Variants in AK8 observed in about 807,000 individuals in gnomAD.
AK8 encodes ATP-AMP transphosphorylase 8.
A neutral mutation model predicts 54.6 loss-of-function variants in AK8; 44 were observed. The observed-to-expected ratio is 0.81, with a 90% CI of 0.63 to 1.04. AK8 has a LOEUF of 1.04. Among genes scored for constraint, AK8 ranks in the 50% least tolerant of loss-of-function variants. The pLI, the probability that AK8 is intolerant of heterozygous loss-of-function variation, is 0.00. For missense variants in AK8, 555 were observed against 613.6 expected, an observed-to-expected ratio of 0.90 and a Z score of 1.01; for synonymous variants, 239 against 245.6, an observed-to-expected ratio of 0.97 and a Z score of 0.25.
At position 132,787,482 on chromosome 9, in the gene AK8, C is replaced by A. The variant is rs374908611; in HGVS notation, c.1121+5152G>T. Among the ~76,000 whole-genome samples the A allele has an allele frequency of 2.1e-4, 32 of 152,262 alleles. No individual in the cohort carries two copies. In the South Asian group the frequency reaches 6.6e-3, roughly 32 times the overall value. ...AATTCCACGGGAAAATCATTTCCAGCCTATAGTTTCTCACCCAGCCAATCT... is the reference window on the plus strand; with the variant it reads ...AATTCCACGGGAAAATCATTTCCAGACTATAGTTTCTCACCCAGCCAATCT... On this transcript the variant is annotated intron_variant, in intron 11 of 12. Coordinates refer to ENST00000298545, the MANE Select transcript of AK8 (RefSeq NM_152572.3).
intron 6 of AK8, 118 bp downstream of exon 6, chr9:132,828,527 C>T: frequency 1.2e-6 from 1 of 810,978 alleles, no homozygotes; most frequent in South Asian, 1.7e-5. Flanking sequence ...CTCTTCCTTG[C>T]TGGGTCTCAG....
chr9:132,757,928 G>A (rs1205565000), intron 11 of AK8, among the ~76,000 whole-genome samples: 1 of 152,216 alleles, frequency 6.6e-6, no homozygotes, highest in Non-Finnish European at 1.5e-5. Context: ...GCACGAGGAG[G>A]GCAATTCCAC....
At chr9:132,834,554 G>A (rs1027340359) in intron 5 of AK8, among the ~76,000 whole-genome samples, 3 of 152,174 alleles carry the variant, frequency 2.0e-5, no homozygotes, top group Non-Finnish European at 4.4e-5. Flanking sequence ...ATGTATGACT[G>A]TAGCAGGAAC....
intron 10 of AK8, among the ~76,000 whole-genome samples, chr9:132,794,703 C>G (rs185209278): frequency 1.5e-3 from 234 of 152,356 alleles, no homozygotes; most frequent in Non-Finnish European, 2.4e-3. Context: ...GAAGGCTTCT[C>G]TTTTTCAAAT....
intron 4 of AK8, among the ~76,000 whole-genome samples, chr9:132,857,034 C>T (rs1048436140): frequency 3.4e-4 from 52 of 152,166 alleles, no homozygotes; most frequent in Non-Finnish European, 1.9e-4. Context: ...ATGGATGGTG[C>T]ACAGAGGAAA....
chr9:132,757,115 C>T (rs186734069), intron 11 of AK8, among the ~76,000 whole-genome samples: 2 of 151,924 alleles, frequency 1.3e-5, no homozygotes, highest in African/African-American at 2.4e-5. Flanking sequence ...CGTGGGCACC[C>T]GACAGATGAC....
chr9:132,818,753 C>T (rs370741), intron 9 of AK8, among the ~76,000 whole-genome samples: 83,707 of 151,594 alleles, frequency 0.55, 23,438 homozygotes, highest in South Asian at 0.65. Flanking sequence ...GAGGCCGAGG[C>T]GGGAGGTTCA....
intron 11 of AK8, among the ~76,000 whole-genome samples, chr9:132,736,784 CAA>C (rs201150328): frequency 1.2e-4 from 8 of 66,214 alleles, no homozygotes; most frequent in Admixed American, 3.5e-4. Context: ...GAATCCATCT[CAA>C]AAAAAAAAAA....
intron 7 of AK8, chr9:132,827,457 G>A (rs1383627163): frequency 1.7e-5 from 4 of 239,020 alleles, no homozygotes; most frequent in Non-Finnish European, 3.3e-5. Context: ...AAGGGACAGA[G>A]TTAGGGATCC....
Position 132,770,331 on chromosome 9 carries a change from G to C in AK8, c.1121+22303C>G, listed in dbSNP as rs1838909534. 1 of 152,244 alleles carries C rather than the reference G, an allele frequency of 6.6e-6. No individual in the cohort carries two copies. Among genetic ancestry groups the C allele is most frequent in the Non-Finnish European group, 1.5e-5 (1 of 68,064 alleles). 9.4% of individuals were successfully genotyped at this position (152,244 alleles called of 1,614,324 possible). A position where few individuals can be genotyped will look rare whatever the true frequency, so the allele number is the denominator to read the frequency against. ...CCCTCGGCGCGCTCAGCTTCCCTGG[G>C]CCTCTGCTGCTTCCTCAGTGCCATG... On this transcript the variant is annotated intron_variant, in intron 11 of 12. Transcript: ENST00000298545. This position sits in a 1 kb window ranked among gnomAD's most constrained non-coding sequence, Gnocchi z 4.3.
At position 132,826,987 on chromosome 9, in the gene AK8, C is replaced by T; in HGVS notation, c.624G>A (p.Glu208=). The change falls in exon 8 of 13, where the codon GAG becomes GAA. Residue 208 remains glutamate, a synonymous_variant. Transcript: ENST00000298545. This position sits in a 1 kb window ranked among gnomAD's most constrained non-coding sequence, Gnocchi z 4.5. ...GAGCCGTCTCCAGCTCTGAGATGTCCTCTGGCACCATGAGACGGTTCTGGA... is the reference window on the plus strand; with the variant it reads ...GAGCCGTCTCCAGCTCTGAGATGTCTTCTGGCACCATGAGACGGTTCTGGA... ...SEIQNRLMVP[E]DISELETAQK... 3.1e-6 allele frequency: 5 copies of T among 1,614,256 alleles called. No individual in the cohort carries two copies. Among genetic ancestry groups the T allele is most frequent in the Non-Finnish European group, 2.5e-6 (3 of 1,180,048 alleles).
chr9:132,763,461 A>T (rs1838578299), intron 11 of AK8, among the ~76,000 whole-genome samples: 1 of 152,264 alleles, frequency 6.6e-6, no homozygotes, highest in Non-Finnish European at 1.5e-5. Context: ...CTGCCATCTT[A>T]CATATTTTAA....
chr9:132,728,196 C>T (rs1338967807), intron 11 of AK8, among the ~76,000 whole-genome samples: 1 of 152,212 alleles, frequency 6.6e-6, no homozygotes, highest in Non-Finnish European at 1.5e-5. Flanking sequence ...GCTCAGGGCT[C>T]TGGGATACCA....
chr9:132,843,549 C>T (rs550969583), intron 5 of AK8, among the ~76,000 whole-genome samples: 1 of 152,260 alleles, frequency 6.6e-6, no homozygotes, highest in South Asian at 2.1e-4. Flanking sequence ...AAGGCCTGAG[C>T]AGGGTGGGTG....
At position 132,814,675 on chromosome 9, in the gene AK8, G is replaced by T. The variant is rs747162450; in HGVS notation, c.942C>A (p.Gly314=). The T allele has an allele frequency of 4.3e-5, 69 of 1,613,972 alleles. No homozygotes were observed. Among genetic ancestry groups the T allele is most frequent in the Admixed American group, 1.3e-4 (8 of 59,990 alleles). Reference sequence around the variant, plus strand: ...TTTCAAAGAAGGGCTGGATGAGCTCGCCAAACGTGGTCCTATCTGCCACAG... The same window carrying T: ...TTTCAAAGAAGGGCTGGATGAGCTCTCCAAACGTGGTCCTATCTGCCACAG... ...KEAVADRTTF[G]ELIQPFFEKE... is the part of the protein sequence containing the mutation. The change falls in exon 10 of 13, where the codon GGC becomes GGA. Residue 314 remains glycine, a synonymous_variant. Coordinates refer to ENST00000298545, the MANE Select transcript of AK8 (RefSeq NM_152572.3).
chr9:132,849,859 C>A (rs988231754), intron 5 of AK8, among the ~76,000 whole-genome samples: 1 of 151,640 alleles, frequency 6.6e-6, no homozygotes, highest in Non-Finnish European at 1.5e-5. Context: ...GATTCTCCTG[C>A]CTCAGCCTCC....
At chr9:132,833,960 G>A (rs533747158) in intron 5 of AK8, among the ~76,000 whole-genome samples, 10 of 152,346 alleles carry the variant, frequency 6.6e-5, no homozygotes, top group Admixed American at 5.2e-4. Context: ...GGACCAGAGC[G>A]TGGGGCTCCC....
intron 11 of AK8, among the ~76,000 whole-genome samples, chr9:132,783,162 A>C (rs1266952772): frequency 6.6e-6 from 1 of 152,190 alleles, no homozygotes; most frequent in Non-Finnish European, 1.5e-5. Context: ...TTAAAATCTG[A>C]GACCCTTTCC....
rs1842391306 is a variant in AK8 at position 132,837,894 on chromosome 9, A to G, written c.403-9168T>C. Among the ~76,000 whole-genome samples the G allele has an allele frequency of 6.6e-6, 1 of 152,154 alleles. No individual in the cohort carries two copies. Among genetic ancestry groups the G allele is most frequent in the South Asian group, 2.1e-4 (1 of 4,822 alleles). ...GCGGGCCATACGTTTCCTGAGTGGA[A>G]CTCAGACCTCCACTTCCAATCCCCT... On this transcript the variant is annotated intron_variant, in intron 5 of 12. Transcript: ENST00000298545. The surrounding 1 kb of genome is among the most constrained non-coding windows in gnomAD (Gnocchi z 4.3).
Sources: allele counts gnomAD v4.1 joint callset (sites outside exome capture counted in the v4.1 genomes callset), GRCh38; gene constraint gnomAD v4.1.1; non-coding constraint Gnocchi (gnomAD v3.1); transcripts MANE v1.5; gene names NCBI Gene and HGNC (gene_info 2026-07-23, HGNC 2026-07-21).